Variants in WDR59 observed in about 807,000 individuals in gnomAD.
The protein encoded by WDR59 is WD repeat domain 59.
In WDR59, 100 loss-of-function variants were observed where a neutral mutation model predicts 131.2. That is an observed-to-expected ratio of 0.76 (90% confidence interval 0.65 to 0.90). The LOEUF is 0.90. Ranked by LOEUF, WDR59 falls within the 40% of genes least tolerant of loss-of-function variation. WDR59 has a pLI of 0.00. For synonymous variants in WDR59, 601 were observed against 466.2 expected, an observed-to-expected ratio of 1.29 and a Z score of -3.72; for missense variants, 1,203 against 1,262.2, an observed-to-expected ratio of 0.95 and a Z score of 0.71.
intron 5 of WDR59, 43 bp downstream of exon 5, chr16:74,949,675 A>G (rs951672508): frequency 1.9e-6 from 3 of 1,585,166 alleles, no homozygotes. Flanking sequence ...AAAGGTCCCA[A>G]ATCACCCCCA....
chr16:74,888,538 A>C lies in WDR59; in HGVS notation c.2196-219T>G, dbSNP rs190248436. 4.8e-4 allele frequency among the ~76,000 whole-genome samples: 73 copies of C among 152,370 alleles called. 1 individual carries two copies. The highest frequency in any genetic ancestry group is 1.3e-3 in the African/African-American group (56 of 41,590). On this transcript the variant is annotated intron_variant, in intron 21 of 25. Transcript: ENST00000262144. ...TTGGAATATAAGGCATCCACGTACT[A>C]CAAATGATCTACAGAACGCATCTCA...
chr16:74,937,318 C>T (rs928919867), intron 8 of WDR59, among the ~76,000 whole-genome samples: 9 of 152,196 alleles, frequency 5.9e-5, no homozygotes, highest in Non-Finnish European at 1.2e-4. Context: ...TATCCCTGAA[C>T]TGTGAAATGC....
intron 25 of WDR59, among the ~76,000 whole-genome samples, chr16:74,880,054 G>A (rs1964404392): frequency 6.6e-6 from 1 of 152,134 alleles, no homozygotes. Flanking sequence ...AAAAATAAAA[G>A]AAGCTGCCTT....
At chr16:74,886,079 G>GTATCATTAAAAA in intron 24 of WDR59, 191 bp downstream of exon 24, 1 of 751,496 alleles carries the variant, frequency 1.3e-6, no homozygotes, top group Non-Finnish European at 2.0e-6. Flanking sequence ...TCAGGAGGCT[G>GTATCATTAAAAA]AGGCAGGAGA....
intron 1 of WDR59, among the ~76,000 whole-genome samples, chr16:74,974,976 T>C (rs1464065347): frequency 3.9e-5 from 6 of 152,310 alleles, no homozygotes; most frequent in South Asian, 2.1e-4. Flanking sequence ...TGACTGCAAA[T>C]ATGACTGTGA....
intron 18 of WDR59, among the ~76,000 whole-genome samples, chr16:74,898,800 G>A (rs1043280032): frequency 6.6e-6 from 1 of 152,222 alleles, no homozygotes; most frequent in African/African-American, 2.4e-5. Flanking sequence ...ATAGCAGTGG[G>A]AGCAGGGACT....
At position 74,908,938 on chromosome 16, in the gene WDR59, C is replaced by A. The variant is rs753696504; in HGVS notation, c.1682G>T (p.Arg561Leu). The change falls in exon 17 of 26, where the codon CGG becomes CTG. Residue 561 changes from arginine to leucine, a missense_variant. Arg to Leu is a moderately radical substitution (Grantham distance 102). Transcript: ENST00000262144. ...VYFTRPMTMH[R>L]AVSPTEPTPR... Reference sequence around the variant, plus strand: ...AGTAGGCTCTGTGGGAGACACCGCCCGATGCATTGTCATGGGCCTTGTGAA... The same window carrying A: ...AGTAGGCTCTGTGGGAGACACCGCCAGATGCATTGTCATGGGCCTTGTGAA... The A allele has an allele frequency of 1.2e-6, 2 of 1,614,076 alleles. No homozygotes were observed. The highest frequency in any genetic ancestry group is 8.5e-7 in the Non-Finnish European group (1 of 1,179,986).
In WDR59 at chr16:74,924,841, G is replaced by A. The variant is rs142709601; in HGVS notation, c.652-838C>T. On this transcript the variant is annotated intron_variant, in intron 8 of 25. Transcript: ENST00000262144. ...TTGCCATGTTGCCCGGGCTGGTCTCGAACTCCTGAGCTCAGGCAATCCTCC... is the reference window on the plus strand; with the variant it reads ...TTGCCATGTTGCCCGGGCTGGTCTCAAACTCCTGAGCTCAGGCAATCCTCC... Among the ~76,000 whole-genome samples, 634 of 152,016 alleles carry A rather than the reference G, an allele frequency of 4.2e-3. 1 individual carries two copies. Among genetic ancestry groups the A allele is most frequent in the Non-Finnish European group, 6.8e-3 (464 of 67,970 alleles).
chr16:74,941,312 G>C, intron 7 of WDR59, among the ~76,000 whole-genome samples: 1 of 146,304 alleles, frequency 6.8e-6, no homozygotes, highest in East Asian at 2.1e-4. Context: ...CTACACTCCA[G>C]TCTGGGTGAC....
intron 11 of WDR59, among the ~76,000 whole-genome samples, chr16:74,916,576 C>T (rs1027893257): frequency 6.6e-6 from 1 of 152,044 alleles, no homozygotes; most frequent in Non-Finnish European, 1.5e-5. Context: ...ATATCATAAC[C>T]GGCCAGGCGT....
intron 23 of WDR59, among the ~76,000 whole-genome samples, chr16:74,887,440 C>A (rs1289145722): frequency 1.3e-5 from 2 of 151,926 alleles, no homozygotes; most frequent in African/African-American, 4.8e-5. Flanking sequence ...GTGGGAAGTC[C>A]CATTGTCAGT....
At position 74,978,805 on chromosome 16, in the gene WDR59, C is replaced by T. The variant is rs189985826; in HGVS notation, c.54+6159G>A. On this transcript the variant is annotated intron_variant, in intron 1 of 25. Coordinates refer to ENST00000262144, the MANE Select transcript of WDR59 (RefSeq NM_030581.4). Reference sequence around the variant, plus strand: ...GAAGATAAAATGGAAGAAGGAAATGCTACTGTGAGGGAAGAGTTGTCTCCA... The same window carrying T: ...GAAGATAAAATGGAAGAAGGAAATGTTACTGTGAGGGAAGAGTTGTCTCCA... Among the ~76,000 whole-genome samples, 3 of 151,986 alleles carry T rather than the reference C, an allele frequency of 2.0e-5. No individual in the cohort carries two copies. In the East Asian group the frequency reaches 5.8e-4, roughly 29 times the overall value.
At chr16:74,889,629 G>A (rs1964942642) in intron 21 of WDR59, 74 bp downstream of exon 21, 7 of 1,158,386 alleles carry the variant, frequency 6.0e-6, no homozygotes, top group Non-Finnish European at 7.6e-6. Flanking sequence ...TCTCTTAGGT[G>A]GTGACATTTC....
rs557229445 is a variant in WDR59, at chr16:74,891,865, G to T, written c.2082+619C>A. On this transcript the variant is annotated intron_variant, in intron 20 of 25. Coordinates refer to ENST00000262144, the MANE Select transcript of WDR59 (RefSeq NM_030581.4). ...CTTGAACCCGGGAGGCGGAGGTTGT[G>T]GTGAGCTGAGATCGTGCCACTGCAC... Among the ~76,000 whole-genome samples, 166 of 152,230 alleles carry T rather than the reference G, an allele frequency of 1.1e-3. 1 individual carries two copies. Among genetic ancestry groups the T allele is most frequent in the African/African-American group, 3.8e-3 (158 of 41,540 alleles).
At chr16:74,888,647 C>T (rs957009425) in intron 21 of WDR59, among the ~76,000 whole-genome samples, 5 of 152,198 alleles carry the variant, frequency 3.3e-5, no homozygotes, top group African/African-American at 1.2e-4. Flanking sequence ...GACATCTGAG[C>T]GAGCCAATAC....
At chr16:74,924,130 T>C (rs77569449) in intron 8 of WDR59, 127 bp from the exon 9 acceptor site, 10,332 of 883,818 alleles carry the variant, frequency 0.012, 125 homozygotes, top group South Asian at 0.032. Context: ...ATATTTTTAG[T>C]TCAGCTCCTA....
chr16:74,910,061 G>A (rs566828775), intron 14 of WDR59, 144 bp from the exon 15 acceptor site: 4 of 643,234 alleles, frequency 6.2e-6, no homozygotes, highest in East Asian at 3.1e-5. Context: ...TCTGCCTCCC[G>A]TCTTCAAGTG....
At chr16:74,911,154 G>A (rs1028915755) in intron 14 of WDR59, among the ~76,000 whole-genome samples, 83 of 152,212 alleles carry the variant, frequency 5.5e-4, no homozygotes, top group African/African-American at 1.7e-3. Flanking sequence ...GTGAGCCACC[G>A]CACCCGGAAA....
chr16:74,879,635 C>G (rs1381790690), intron 25 of WDR59, among the ~76,000 whole-genome samples: 1 of 152,060 alleles, frequency 6.6e-6, no homozygotes. Context: ...TCTCTACCCT[C>G]AGTTTAACAC....
Sources: allele counts gnomAD v4.1 joint callset (sites outside exome capture counted in the v4.1 genomes callset), GRCh38; gene constraint gnomAD v4.1.1; transcripts MANE v1.5; gene names NCBI Gene and HGNC (gene_info 2026-07-23, HGNC 2026-07-21).